The following CMTM5 variants were observed in gnomAD, a reference collection of about 807,000 sequenced individuals.
The protein encoded by CMTM5 is CKLF-like MARVEL transmembrane domain-containing protein 5.
In CMTM5, 25 loss-of-function variants were observed where a neutral mutation model predicts 26.9. The ratio of observed to expected loss-of-function variants is 0.93; its 90% CI spans 0.68 to 1.30. The LOEUF is 1.30. Ranked by LOEUF, CMTM5 falls within the 50% of genes most tolerant of loss-of-function variation. The pLI is 0.00. For synonymous variants in CMTM5, 98 were observed against 115.5 expected (o/e 0.85, Z 0.97); for missense variants, 292 against 289.6 (o/e 1.01, Z -0.06).
Position 23,377,183 on chromosome 14 carries a change from C to T in CMTM5, c.-69C>T. On this transcript the variant is annotated 5_prime_UTR_variant, in exon 1 of 6. Transcript: ENST00000339180. This position sits in a 1 kb window ranked among gnomAD's most constrained non-coding sequence, Gnocchi z 4.6. ...TTCTTGCTCCTGTCTGTTTCCCCAT[C>T]CTGCCAGATTTCTGTTTCTCTTGCT... 6.3e-7 allele frequency: 1 copy of T among 1,583,512 alleles called. No homozygotes were observed. Among genetic ancestry groups the T allele is most frequent in the Non-Finnish European group, 8.6e-7 (1 of 1,166,580 alleles).
At chr14:23,376,812 G>A (rs1836143453), upstream of CMTM5, 1 of 163,984 alleles carries the variant, frequency 6.1e-6, no homozygotes, top group African/African-American at 2.4e-5. Context: ...GTTAAGGTTA[G>A]AGAAGGGGGA....
Position 23,378,199 on chromosome 14 carries a change from A to G in CMTM5, c.127-150A>G. 1.2e-6 allele frequency: 1 copy of G among 810,382 alleles called. No individual in the cohort carries two copies. The highest frequency in any genetic ancestry group is 2.8e-5 in the Admixed American group (1 of 35,208). 50.2% of individuals were successfully genotyped at this position (810,382 alleles called of 1,614,324 possible). A position where few individuals can be genotyped will look rare whatever the true frequency, so the allele number is the denominator to read the frequency against. On this transcript the variant is annotated intron_variant, in intron 1 of 5. Transcript: ENST00000339180. The surrounding 1 kb of genome is among the most constrained non-coding windows in gnomAD (Gnocchi z 4.2). The stretch of plus-strand genomic sequence containing the variant: ...CCCTGCAACGGTGGCTCCTGACACC[A>G]GGGGATAGGGAGATGTGCCAGAGTC...
At position 23,379,566 on chromosome 14, in the gene CMTM5, A is replaced by G; in HGVS notation, c.*79A>G. The stretch of plus-strand genomic sequence containing the variant: ...CAGACACGTCTCCTTGGGATTCACT[A>G]GCCCCCAGCCCGCCAAACCCCACCC... On this transcript the variant is annotated 3_prime_UTR_variant, in exon 6 of 6. Coordinates refer to ENST00000339180, the MANE Select transcript of CMTM5 (RefSeq NM_001288746.2). 6.3e-7 allele frequency: 1 copy of G among 1,596,484 alleles called. No individual in the cohort carries two copies. Among genetic ancestry groups the G allele is most frequent in the Non-Finnish European group, 8.5e-7 (1 of 1,176,128 alleles).
rs111290798 is a variant in CMTM5 at position 23,378,786 on chromosome 14, G to C, written c.397G>C (p.Ala133Pro). 3 of 1,612,310 alleles carry C rather than the reference G, an allele frequency of 1.9e-6. No individual in the cohort carries two copies. The South Asian group carries it at 3.3e-5, about 18-fold the overall frequency. Residue 133 changes from alanine to proline, a missense_variant, in exon 3 of 6, where the codon GCT becomes CCT. Ala to Pro is a conservative substitution (Grantham distance 27). Transcript: ENST00000339180. The surrounding 1 kb of genome is among the most constrained non-coding windows in gnomAD (Gnocchi z 4.2). Reference protein sequence around the residue: ...LTPPGWHTPAAVPWVPAPAPG... With the variant: ...LTPPGWHTPAPVPWVPAPAPG... ...CCCCCCGGGCTGGCATACTCCAGCCGCTGTCCCCTGGGTTCCAGCCCCAGC... is the reference window on the plus strand; with the variant it reads ...CCCCCCGGGCTGGCATACTCCAGCCCCTGTCCCCTGGGTTCCAGCCCCAGC...
Position 23,378,891 on chromosome 14 carries a change from T to C in CMTM5, c.480+22T>C. ...CAGTGTGAGCGCTCTGTCTCTTGAA[T>C]GTGCTTCATATTGTGTGAGGGGTAT... On this transcript the variant is annotated intron_variant, in intron 3 of 5. Transcript: ENST00000339180. This position sits in a 1 kb window ranked among gnomAD's most constrained non-coding sequence, Gnocchi z 4.2. 6.2e-7 allele frequency: 1 copy of C among 1,612,430 alleles called. No individual in the cohort carries two copies. The highest frequency in any genetic ancestry group is 8.5e-7 in the Non-Finnish European group (1 of 1,179,146).
Position 23,378,484 on chromosome 14 carries a change from A to T in CMTM5, c.262A>T (p.Ile88Phe). 1.9e-6 allele frequency: 3 copies of T among 1,614,078 alleles called. No individual in the cohort carries two copies. The highest frequency in any genetic ancestry group is 2.5e-6 in the Non-Finnish European group (3 of 1,179,998). ...ATQYYQRFDR[I>F]NWPCLLQGHG... ...CCAGTACTACCAGCGCTTCGACCGA[A>T]TTAACTGGCCCTGTCTGGTGAGGAA... The change falls in exon 2 of 6, where the codon ATT becomes TTT. Residue 88 changes from isoleucine to phenylalanine, a missense_variant. Coordinates refer to ENST00000339180, the MANE Select transcript of CMTM5 (RefSeq NM_001288746.2). This position sits in a 1 kb window ranked among gnomAD's most constrained non-coding sequence, Gnocchi z 4.2.
chr14:23,379,273 T>C, intron 4 of CMTM5, 26 bp from the exon 5 acceptor site: 1 of 1,613,752 alleles, frequency 6.2e-7, no homozygotes, highest in Non-Finnish European at 8.5e-7. Flanking sequence ...GCCTCTGTTT[T>C]GCCATCCCCA....
chr14:23,379,710 G>T lies in CMTM5; in HGVS notation c.*223G>T, dbSNP rs539218396. 25 of 959,468 alleles carry T rather than the reference G, an allele frequency of 2.6e-5. No individual in the cohort carries two copies. Among genetic ancestry groups the T allele is most frequent in the African/African-American group, 2.5e-4 (15 of 59,328 alleles). The allele number at this position is 959,468 out of a possible 1,614,324, so 59.4% of individuals were successfully genotyped here. The stretch of plus-strand genomic sequence containing the variant: ...AGAGGAGGGGAACTTATTGGGGGAG[G>T]GGGGGTGGAGGGGAGGAATCTGGAC... On this transcript the variant is annotated 3_prime_UTR_variant, in exon 6 of 6. Coordinates refer to ENST00000339180, the MANE Select transcript of CMTM5 (RefSeq NM_001288746.2).
In CMTM5 at chr14:23,379,607, G is replaced by C. The variant is rs1473993433; in HGVS notation, c.*120G>C. On this transcript the variant is annotated 3_prime_UTR_variant, in exon 6 of 6. Transcript: ENST00000339180. ...AACCCCACCCCAGCCCTACACAGCAGTCTGGCCTGAGACGTCACTGGGGAC... is the reference window on the plus strand; with the variant it reads ...AACCCCACCCCAGCCCTACACAGCACTCTGGCCTGAGACGTCACTGGGGAC... 1 of 1,537,884 alleles carries C rather than the reference G, an allele frequency of 6.5e-7. No individual in the cohort carries two copies. Among genetic ancestry groups the C allele is most frequent in the Non-Finnish European group, 8.7e-7 (1 of 1,147,792 alleles).
chr14:23,378,890 A>G lies in CMTM5; in HGVS notation c.480+21A>G, dbSNP rs748364086. The G allele has an allele frequency of 1.9e-6, 3 of 1,612,210 alleles. No individual in the cohort carries two copies. The East Asian group carries it at 6.7e-5, about 36-fold the overall frequency. On this transcript the variant is annotated intron_variant, in intron 3 of 5. Transcript: ENST00000339180. This position sits in a 1 kb window ranked among gnomAD's most constrained non-coding sequence, Gnocchi z 4.2. Reference sequence around the variant, plus strand: ...GCAGTGTGAGCGCTCTGTCTCTTGAATGTGCTTCATATTGTGTGAGGGGTA... The same window carrying G: ...GCAGTGTGAGCGCTCTGTCTCTTGAGTGTGCTTCATATTGTGTGAGGGGTA...
At chr14:23,379,204 G>C (rs1890746408) in intron 4 of CMTM5, 81 bp downstream of exon 4, 1 of 1,599,184 alleles carries the variant, frequency 6.3e-7, no homozygotes, top group East Asian at 2.2e-5. Context: ...AGAAGCCACA[G>C]CCAGGACTTG....
Position 23,379,277 on chromosome 14 carries a change from A to G in CMTM5, c.574-22A>G, listed in dbSNP as rs768057953. On this transcript the variant is annotated intron_variant, in intron 4 of 5. Transcript: ENST00000339180. Reference sequence around the variant, plus strand: ...ATGGCCCTATAGCCTCTGTTTTGCCATCCCCACTCCCACTCCCACAGGTTT... The same window carrying G: ...ATGGCCCTATAGCCTCTGTTTTGCCGTCCCCACTCCCACTCCCACAGGTTT... The G allele has an allele frequency of 5.6e-6, 9 of 1,613,608 alleles. No homozygotes were observed. In the Admixed American group the frequency reaches 1.3e-4, roughly 24 times the overall value.
rs1022420958 is a variant in CMTM5 at position 23,377,457 on chromosome 14, A to C, written c.126+80A>C. On this transcript the variant is annotated intron_variant, in intron 1 of 5. Transcript: ENST00000339180. This position sits in a 1 kb window ranked among gnomAD's most constrained non-coding sequence, Gnocchi z 4.6. ...CCAGCCTTATGCCAGCCCCCAGCTCACCCTTCAGTAGCCTCCTTCCCCAAG... is the reference window on the plus strand; with the variant it reads ...CCAGCCTTATGCCAGCCCCCAGCTCCCCCTTCAGTAGCCTCCTTCCCCAAG... The C allele has an allele frequency of 6.9e-7, 1 of 1,455,528 alleles. No homozygotes were observed. Among genetic ancestry groups the C allele is most frequent in the Non-Finnish European group, 9.1e-7 (1 of 1,100,352 alleles). 90.2% of individuals were successfully genotyped at this position (1,455,528 alleles called of 1,614,324 possible).
rs1890631113 is a variant in CMTM5 at position 23,377,630 on chromosome 14, G to A, written c.126+253G>A. 4.8e-6 allele frequency: 2 copies of A among 415,480 alleles called. No individual in the cohort carries two copies. Among genetic ancestry groups the A allele is most frequent in the Non-Finnish European group, 8.5e-6 (2 of 234,492 alleles). The allele number at this position is 415,480 out of a possible 1,614,324, so 25.7% of individuals were successfully genotyped here. ...AGACAGGGTGACTTTTTGGGACATTGAGGAAGCTTGAGACATAGGGATGGG... is the reference window on the plus strand; with the variant it reads ...AGACAGGGTGACTTTTTGGGACATTAAGGAAGCTTGAGACATAGGGATGGG... On this transcript the variant is annotated intron_variant, in intron 1 of 5. Coordinates refer to ENST00000339180, the MANE Select transcript of CMTM5 (RefSeq NM_001288746.2). This position sits in a 1 kb window ranked among gnomAD's most constrained non-coding sequence, Gnocchi z 4.6.
In CMTM5 at chr14:23,377,519, C is replaced by G; in HGVS notation, c.126+142C>G. The G allele has an allele frequency of 1.1e-6, 1 of 882,578 alleles. No homozygotes were observed. Among genetic ancestry groups the G allele is most frequent in the Non-Finnish European group, 1.6e-6 (1 of 618,618 alleles). The allele number at this position is 882,578 out of a possible 1,614,324, so 54.7% of individuals were successfully genotyped here. ...CCTCTCCTGCCCGCAGCTGCCCCTT[C>G]TTCGTCTCCTACTCTGCCTTCTTGC... On this transcript the variant is annotated intron_variant, in intron 1 of 5. Transcript: ENST00000339180. The surrounding 1 kb of genome is among the most constrained non-coding windows in gnomAD (Gnocchi z 4.6).
At position 23,377,247 on chromosome 14, in the gene CMTM5, C is replaced by A. The variant is rs370128764; in HGVS notation, c.-5C>A. ...TAGGGGGCTGTGTTGGTGGGCCCTA[C>A]GAAGATGCTCAGTGCTCGAGATCGC... On this transcript the variant is annotated 5_prime_UTR_variant, in exon 1 of 6. Transcript: ENST00000339180. The surrounding 1 kb of genome is among the most constrained non-coding windows in gnomAD (Gnocchi z 4.6). 4 of 1,611,582 alleles carry A rather than the reference C, an allele frequency of 2.5e-6. No homozygotes were observed. The highest frequency in any genetic ancestry group is 1.3e-5 in the African/African-American group (1 of 74,854).
rs760638450 is a variant in CMTM5, at chr14:23,379,072, G to T, written c.522G>T (p.Val174=). Residue 174 remains valine, a synonymous_variant, in exon 4 of 6, where the codon GTG becomes GTT. Coordinates refer to ENST00000339180, the MANE Select transcript of CMTM5 (RefSeq NM_001288746.2). ...TCAGTGCCATCATCATCTTCCTGGT[G>T]GTCTCCTTTGCAGCTGTGACCTCCC... ...RCVSAIIIFL[V]VSFAAVTSRD... 1.9e-6 allele frequency: 3 copies of T among 1,614,096 alleles called. No homozygotes were observed. In the South Asian group the frequency reaches 3.3e-5, roughly 18 times the overall value.
At position 23,378,812 on chromosome 14, in the gene CMTM5, GCCTGGCTTCTGGT is replaced by G. The variant is rs1890711851; in HGVS notation, c.429_441del (p.Phe144CysfsTer33). 1.2e-6 allele frequency: 2 copies of G among 1,612,518 alleles called. No individual in the cohort carries two copies. Among genetic ancestry groups the G allele is most frequent in the Non-Finnish European group, 1.7e-6 (2 of 1,179,836 alleles). On this transcript the variant is annotated frameshift_variant, in exon 3 of 6. Coordinates refer to ENST00000339180, the MANE Select transcript of CMTM5 (RefSeq NM_001288746.2). LOFTEE classifies it high-confidence loss of function. This position sits in a 1 kb window ranked among gnomAD's most constrained non-coding sequence, Gnocchi z 4.2. ...CTGTCCCCTGGGTTCCAGCCCCAGC[GCCTGGCTTCTGGT>G]CCTGGTTGCTCTGGTTCATCTGCTT...
chr14:23,377,557 C>T lies in CMTM5; in HGVS notation c.126+180C>T, dbSNP rs911592873. The T allele has an allele frequency of 1.6e-5, 10 of 610,242 alleles. No homozygotes were observed. The highest frequency in any genetic ancestry group is 5.9e-5 in the South Asian group (2 of 33,716). 37.8% of individuals were successfully genotyped at this position (610,242 alleles called of 1,614,324 possible). ...TCTGCCTTCTTGCTGCCTCTCCACC[C>T]GGAGACATTTACAGCAGGTTTCAGT... On this transcript the variant is annotated intron_variant, in intron 1 of 5. Transcript: ENST00000339180. This position sits in a 1 kb window ranked among gnomAD's most constrained non-coding sequence, Gnocchi z 4.6.
Sources: allele counts gnomAD v4.1 joint callset, GRCh38; gene constraint gnomAD v4.1.1; non-coding constraint Gnocchi (gnomAD v3.1); transcripts MANE v1.5; gene names NCBI Gene and HGNC (gene_info 2026-07-23, HGNC 2026-07-21).